The following CSGALNACT1 variants were observed in gnomAD, a reference collection of about 807,000 sequenced individuals.
CSGALNACT1 encodes beta4GalNAcT-1.
A neutral mutation model predicts 51.0 loss-of-function variants in CSGALNACT1; 52 were observed. The observed-to-expected ratio is 1.02, with a 90% CI of 0.82 to 1.29. The LOEUF is 1.29. Among genes scored for constraint, CSGALNACT1 ranks in the 50% most tolerant of loss-of-function variants. The probability of loss-of-function intolerance (pLI) is 0.00; values close to 1 mark genes in which losing one functional copy is unlikely to be tolerated. For synonymous variants in CSGALNACT1, 341 were observed against 254.4 expected (o/e 1.34, Z -3.24); for missense variants, 935 against 679.2 (o/e 1.38, Z -4.19).
upstream of CSGALNACT1, among the ~76,000 whole-genome samples, chr8:19,604,914 CAAA>C (rs576342135): frequency 0.044 from 2,854 of 64,390 alleles, 113 homozygotes; most frequent in African/African-American, 0.14. Context: ...GACTCTGTCT[CAAA>C]AAAAAAAAAA....
At chr8:19,707,842 A>T (rs1306386555) in intron 1 of CSGALNACT1, among the ~76,000 whole-genome samples, 1 of 152,088 alleles carries the variant, frequency 6.6e-6, no homozygotes, top group African/African-American at 2.4e-5. Context: ...CTCTACTAAA[A>T]ATACAAAAAG....
At chr8:19,405,676 C>CA in exon 10 of CSGALNACT1, 1 of 1,424,058 alleles carries the variant, frequency 7.0e-7, no homozygotes, top group Non-Finnish European at 9.8e-7. Context: ...CCCATCAGTC[C>CA]AATTCTTTTG....
chr8:19,551,350 C>T (rs1444010614), intron 3 of CSGALNACT1, among the ~76,000 whole-genome samples: 1 of 152,120 alleles, frequency 6.6e-6, no homozygotes, highest in Non-Finnish European at 1.5e-5. Context: ...GCCCATGAAG[C>T]ATGTCAGGAC....
chr8:19,521,658 C>CA (rs948958025), intron 3 of CSGALNACT1, among the ~76,000 whole-genome samples: 2 of 151,188 alleles, frequency 1.3e-5, no homozygotes, highest in Non-Finnish European at 2.9e-5. Context: ...ACTCCGTCTC[C>CA]AAAAAAAATA....
intron 1 of CSGALNACT1, among the ~76,000 whole-genome samples, chr8:19,701,593 A>C (rs1461903426): frequency 6.6e-6 from 1 of 152,208 alleles, no homozygotes; most frequent in Non-Finnish European, 1.5e-5. Context: ...GCAATTCCTC[A>C]GGGGTACACC....
At chr8:19,525,063 C>T (rs1295124790) in intron 3 of CSGALNACT1, among the ~76,000 whole-genome samples, 1 of 152,202 alleles carries the variant, frequency 6.6e-6, no homozygotes, top group Non-Finnish European at 1.5e-5. Context: ...TACTCTGTTA[C>T]ATCTTTATTT....
intron 3 of CSGALNACT1, among the ~76,000 whole-genome samples, chr8:19,555,118 A>T (rs2089392424): frequency 6.6e-6 from 1 of 151,978 alleles, no homozygotes. Context: ...GAGCGCCTGT[A>T]GTTCCCACTA....
At chr8:19,454,802 T>A (rs929151188) in intron 5 of CSGALNACT1, among the ~76,000 whole-genome samples, 16 of 146,680 alleles carry the variant, frequency 1.1e-4, no homozygotes, top group South Asian at 2.2e-4. Flanking sequence ...AAAAAAAAAA[T>A]ATTTCCAACC....
At chr8:19,437,096 C>T (rs1199107569) in intron 6 of CSGALNACT1, among the ~76,000 whole-genome samples, 1 of 151,876 alleles carries the variant, frequency 6.6e-6, no homozygotes, top group African/African-American at 2.4e-5. Flanking sequence ...CTTAGGACAA[C>T]AGGAAGAAAT....
At chr8:19,717,766 GA>G (rs1188962023) in intron 1 of CSGALNACT1, among the ~76,000 whole-genome samples, 3 of 152,194 alleles carry the variant, frequency 2.0e-5, no homozygotes, top group Non-Finnish European at 4.4e-5. Context: ...TGTTCTGCAA[GA>G]CTAGAGACTA....
chr8:19,713,975 A>G (rs1361731141), intron 1 of CSGALNACT1, among the ~76,000 whole-genome samples: 1 of 152,172 alleles, frequency 6.6e-6, no homozygotes, highest in Non-Finnish European at 1.5e-5. Flanking sequence ...CCTGTGTCCT[A>G]CTTTACTCAA....
At position 19,641,187 on chromosome 8, in the gene CSGALNACT1, C is replaced by T. The variant is rs929966324; in HGVS notation, c.-543-39322G>A. On this transcript the variant is annotated intron_variant, in intron 1 of 9. Coordinates refer to the CSGALNACT1 transcript ENST00000332246. ...ACCCTCTCTCTCCCCTTCACTTCTC[C>T]TCCCAACAAGACCTTCAAGTGTTCA... Among the ~76,000 whole-genome samples, 13 of 146,118 alleles carry T rather than the reference C, an allele frequency of 8.9e-5. No individual in the cohort carries two copies. In the South Asian group the frequency reaches 2.9e-3, roughly 33 times the overall value.
chr8:19,579,746 G>T (rs1326855861), intron 3 of CSGALNACT1, among the ~76,000 whole-genome samples: 1 of 152,202 alleles, frequency 6.6e-6, no homozygotes, highest in Non-Finnish European at 1.5e-5. Flanking sequence ...AACAGTTATG[G>T]TATTTGCCTA....
chr8:19,494,208 A>T (rs2075011300), intron 4 of CSGALNACT1, among the ~76,000 whole-genome samples: 1 of 152,118 alleles, frequency 6.6e-6, no homozygotes, highest in Admixed American at 6.6e-5. Flanking sequence ...CGCCAGCACT[A>T]ACTGGTTACC....
intron 1 of CSGALNACT1, among the ~76,000 whole-genome samples, chr8:19,739,761 G>C (rs968834015): frequency 5.3e-5 from 8 of 152,226 alleles, no homozygotes; most frequent in African/African-American, 7.2e-5. Context: ...TGTGGGAGCA[G>C]TGAAGTAGAA....
chr8:19,716,024 C>A (rs755191512), intron 1 of CSGALNACT1, among the ~76,000 whole-genome samples: 1 of 152,106 alleles, frequency 6.6e-6, no homozygotes, highest in Non-Finnish European at 1.5e-5. Context: ...GAATGAGGGT[C>A]GGAGGTTGTT....
chr8:19,713,328 G>T (rs2062619108), intron 1 of CSGALNACT1, among the ~76,000 whole-genome samples: 1 of 152,190 alleles, frequency 6.6e-6, no homozygotes, highest in Non-Finnish European at 1.5e-5. Context: ...CTTCAGGTAG[G>T]AGGCAGGACT....
At chr8:19,474,602 TCACACCTATAATCCCAA>T (rs1330674043) in intron 4 of CSGALNACT1, among the ~76,000 whole-genome samples, 1 of 151,906 alleles carries the variant, frequency 6.6e-6, no homozygotes, top group Admixed American at 6.6e-5. Context: ...GTGTGGTGGC[TCACACCTATAATCCCAA>T]CACTTTGGGA....
intron 1 of CSGALNACT1, among the ~76,000 whole-genome samples, chr8:19,749,738 C>A (rs2064912523): frequency 1.3e-5 from 2 of 152,206 alleles, no homozygotes; most frequent in African/African-American, 4.8e-5. Context: ...ACCAAATCCC[C>A]AGCTCAGAGG....
Sources: gnomAD v4.1 joint callset for allele counts (sites outside exome capture counted in the v4.1 genomes callset) on GRCh38, gnomAD v4.1.1 for gene constraint, MANE v1.5 for transcripts, NCBI Gene and HGNC (gene_info 2026-07-23, HGNC 2026-07-21) for gene names.